The following KCNIP3 variants were observed in gnomAD, a reference collection of about 807,000 sequenced individuals.
KCNIP3 encodes the protein potassium voltage-gated channel interacting protein 3.
KCNIP3 carries 28 observed loss-of-function variants against 35.0 expected under a neutral mutation model. That is an observed-to-expected ratio of 0.80 (90% confidence interval 0.59 to 1.10). The LOEUF (loss-of-function observed/expected upper bound fraction) is 1.10, where lower values mean the gene tolerates loss of function less well. KCNIP3 is among the 50% of genes least tolerant of loss of function. The pLI, the probability that KCNIP3 is intolerant of heterozygous loss-of-function variation, is 0.00. For synonymous variants in KCNIP3, 134 were observed against 133.8 expected (o/e 1.00, Z -0.01); for missense variants, 295 against 338.4 (o/e 0.87, Z 1.01).
chr2:95,336,145 G>A (rs1476978683), intron 2 of KCNIP3, among the ~76,000 whole-genome samples: 1 of 152,202 alleles, frequency 6.6e-6, no homozygotes, highest in Non-Finnish European at 1.5e-5. Flanking sequence ...GACAGATGTG[G>A]ATTCTAGTTT....
chr2:95,323,075 G>A (rs536183219), intron 2 of KCNIP3, among the ~76,000 whole-genome samples: 33 of 152,282 alleles, frequency 2.2e-4, no homozygotes, highest in Admixed American at 5.9e-4. Flanking sequence ...GCCTCCTAAC[G>A]GCCAAATAGA....
At chr2:95,308,971 G>A (rs1157470738) in intron 1 of KCNIP3, among the ~76,000 whole-genome samples, 2 of 152,216 alleles carry the variant, frequency 1.3e-5, no homozygotes, top group Non-Finnish European at 2.9e-5. Flanking sequence ...CCTGGGAAGG[G>A]TATGGACAAC....
rs548935513 is a variant in KCNIP3, at chr2:95,301,324, C to T, written c.15+3871C>T. Among the ~76,000 whole-genome samples the T allele has an allele frequency of 5.3e-5, 8 of 152,358 alleles. No homozygotes were observed. The South Asian group carries it at 6.2e-4, about 12-fold the overall frequency. ...TGCACACAAATGTCCATGGGTCTTG[C>T]GCAGAGCCCTGATCCTCACTGTGCG... On this transcript the variant is annotated intron_variant, in intron 1 of 8. Transcript: ENST00000295225.
At chr2:95,344,159 G>A (rs1301237928) in intron 2 of KCNIP3, among the ~76,000 whole-genome samples, 1 of 152,128 alleles carries the variant, frequency 6.6e-6, no homozygotes, top group Non-Finnish European at 1.5e-5. Context: ...AAAGCAATGA[G>A]TGCTACCCAT....
At position 95,377,748 on chromosome 2, in the gene KCNIP3, C is replaced by T. The variant is rs1481200406; in HGVS notation, c.447+2540C>T. 6.6e-6 allele frequency among the ~76,000 whole-genome samples: 1 copy of T among 152,228 alleles called. No homozygotes were observed. Among genetic ancestry groups the T allele is most frequent in the Non-Finnish European group, 1.5e-5 (1 of 68,040 alleles). On this transcript the variant is annotated intron_variant, in intron 5 of 8. Transcript: ENST00000295225. This position sits in a 1 kb window ranked among gnomAD's most constrained non-coding sequence, Gnocchi z 4.7. ...GAATGGAGACTAGCCAGTGGCCTAA[C>T]AGGACATTCCCACCATCTCCTAGTA... is the stretch of plus-strand genomic sequence containing the variant.
At position 95,377,315 on chromosome 2, in the gene KCNIP3, G is replaced by A. The variant is rs1680228748; in HGVS notation, c.447+2107G>A. ...CAGCCAGGCAGGCATCTGGAGGTGC[G>A]GCCGCTTCTCTGTTACCTCCCCCGA... is the stretch of plus-strand genomic sequence containing the variant. On this transcript the variant is annotated intron_variant, in intron 5 of 8. Transcript: ENST00000295225. This position sits in a 1 kb window ranked among gnomAD's most constrained non-coding sequence, Gnocchi z 4.7. Among the ~76,000 whole-genome samples, 1 of 152,230 alleles carries A rather than the reference G, an allele frequency of 6.6e-6. No individual in the cohort carries two copies. Among genetic ancestry groups the A allele is most frequent in the Non-Finnish European group, 1.5e-5 (1 of 68,044 alleles).
intron 2 of KCNIP3, among the ~76,000 whole-genome samples, chr2:95,367,304 A>C (rs1472240224): frequency 6.6e-5 from 10 of 152,068 alleles, no homozygotes; most frequent in Non-Finnish European, 1.5e-4. Context: ...AAAAATAAAA[A>C]AACCAATATC....
intron 2 of KCNIP3, among the ~76,000 whole-genome samples, chr2:95,324,205 C>T (rs1289059548): frequency 2.0e-5 from 3 of 152,154 alleles, no homozygotes; most frequent in Non-Finnish European, 4.4e-5. Context: ...AAATAATGCT[C>T]AGAAGTTTTT....
rs1045053274 is a variant in KCNIP3, at chr2:95,376,772, C to T, written c.447+1564C>T. ...TGGTCACAAAGGATCCTGCCAGGGA[C>T]GGAGGCACCAAATCTAGTCTGGAGA... On this transcript the variant is annotated intron_variant, in intron 5 of 8. Transcript: ENST00000295225. This position sits in a 1 kb window ranked among gnomAD's most constrained non-coding sequence, Gnocchi z 4.2. Among the ~76,000 whole-genome samples the T allele has an allele frequency of 2.0e-5, 3 of 152,190 alleles. No individual in the cohort carries two copies. Among genetic ancestry groups the T allele is most frequent in the Non-Finnish European group, 2.9e-5 (2 of 68,028 alleles).
At chr2:95,311,994 G>A (rs893198716) in intron 2 of KCNIP3, 2 of 152,206 alleles carry the variant, frequency 1.3e-5, no homozygotes, top group Non-Finnish European at 2.9e-5. Flanking sequence ...ATGAAAATGC[G>A]CCTGCTCTCC....
chr2:95,308,098 ATG>A (rs201994288), intron 1 of KCNIP3, among the ~76,000 whole-genome samples: 45 of 151,976 alleles, frequency 3.0e-4, no homozygotes, highest in African/African-American at 1.0e-3. Flanking sequence ...ACTTGTGTGC[ATG>A]TGTGTGCGTG....
chr2:95,344,265 G>A (rs1384825501), intron 2 of KCNIP3, among the ~76,000 whole-genome samples: 12 of 145,688 alleles, frequency 8.2e-5, no homozygotes, highest in African/African-American at 2.7e-4. Flanking sequence ...CACTTCATGG[G>A]TGGCGGGGTG....
At chr2:95,303,218 T>A (rs1395151161) in intron 1 of KCNIP3, 1 of 152,406 alleles carries the variant, frequency 6.6e-6, no homozygotes, top group African/African-American at 2.4e-5. Context: ...TGTGCCATGC[T>A]GGGCATGGGG....
chr2:95,324,312 C>G (rs187224440), intron 2 of KCNIP3, among the ~76,000 whole-genome samples: 1 of 151,808 alleles, frequency 6.6e-6, no homozygotes, highest in Non-Finnish European at 1.5e-5. Context: ...GAGATCGAGA[C>G]CATCCTGGCT....
At chr2:95,328,986 A>G (rs1273066063) in intron 2 of KCNIP3, among the ~76,000 whole-genome samples, 2 of 152,152 alleles carry the variant, frequency 1.3e-5, no homozygotes, top group Non-Finnish European at 2.9e-5. Context: ...CAGAGAATGG[A>G]TGGGTCTCAG....
chr2:95,346,102 G>A (rs1282921441), intron 2 of KCNIP3, among the ~76,000 whole-genome samples: 4 of 152,230 alleles, frequency 2.6e-5, no homozygotes, highest in Admixed American at 1.3e-4. Context: ...TTTCCAGAAC[G>A]GGAGAACTTT....
At chr2:95,322,336 T>G (rs967008172) in intron 2 of KCNIP3, among the ~76,000 whole-genome samples, 1 of 152,070 alleles carries the variant, frequency 6.6e-6, no homozygotes, top group Non-Finnish European at 1.5e-5. Context: ...CACTCCAGCC[T>G]GGGTAACAGA....
rs978590417 is a variant in KCNIP3, at chr2:95,382,255, C to T, written c.556-122C>T. ...AGCGGACAGGCTTCTCTCTCCAGCT[C>T]GTCCGGCCCCTCGCACTCACTGCCT... On this transcript the variant is annotated intron_variant, in intron 6 of 8. Transcript: ENST00000295225. The surrounding 1 kb of genome is among the most constrained non-coding windows in gnomAD (Gnocchi z 4.5). The T allele has an allele frequency of 9.4e-6, 5 of 529,960 alleles. No individual in the cohort carries two copies. Among genetic ancestry groups the T allele is most frequent in the Middle Eastern group, 3.3e-4 (1 of 2,994 alleles). 32.8% of individuals were successfully genotyped at this position (529,960 alleles called of 1,614,324 possible).
chr2:95,381,947 C>T (rs1213210120), intron 6 of KCNIP3, among the ~76,000 whole-genome samples: 2 of 152,150 alleles, frequency 1.3e-5, no homozygotes, highest in Admixed American at 6.5e-5. Flanking sequence ...AGCAAGTGTT[C>T]TCGGTCATAC....
Sources: allele counts gnomAD v4.1 joint callset (sites outside exome capture counted in the v4.1 genomes callset), GRCh38; gene constraint gnomAD v4.1.1; non-coding constraint Gnocchi (gnomAD v3.1); transcripts MANE v1.5; gene names NCBI Gene and HGNC (gene_info 2026-07-23, HGNC 2026-07-21).